The following ZSCAN29 variants were observed in gnomAD, a reference collection of about 807,000 sequenced individuals.
The protein encoded by ZSCAN29 is zinc finger and SCAN domain-containing protein 29.
Under a neutral mutation model 71.9 loss-of-function variants are expected in ZSCAN29, and 55 were observed. The ratio of observed to expected loss-of-function variants is 0.76; its 90% CI spans 0.62 to 0.96. The LOEUF (loss-of-function observed/expected upper bound fraction) is 0.96. Ranked by LOEUF, ZSCAN29 falls within the 40% of genes least tolerant of loss-of-function variation. The pLI, the probability that ZSCAN29 is intolerant of heterozygous loss-of-function variation, is 0.00. For missense variants in ZSCAN29, 1,042 were observed against 1,042.2 expected (o/e 1.00, Z 0.00); for synonymous variants, 351 against 371.6 (o/e 0.94, Z 0.64).
chr15:43,360,893 T>C lies in ZSCAN29; in HGVS notation c.*180A>G. On this transcript the variant is annotated 3_prime_UTR_variant, in exon 6 of 6. Transcript: ENST00000684362. The stretch of plus-strand genomic sequence containing the variant: ...AGGGACTGAAATCTTCCTTTCATTC[T>C]TTAGACTGCCTTGGGGATTTGAGTC... 1 of 809,850 alleles carries C rather than the reference T, an allele frequency of 1.2e-6. No homozygotes were observed. Among genetic ancestry groups the C allele is most frequent in the Non-Finnish European group, 1.9e-6 (1 of 519,192 alleles). The allele number at this position is 809,850 out of a possible 1,614,324, so 50.2% of individuals were successfully genotyped here.
rs781026218 is a variant in ZSCAN29, at chr15:43,366,586, C to T, written c.746G>A (p.Gly249Asp). Residue 249 changes from glycine to aspartate, a missense_variant, in exon 4 of 6, where the codon GGC becomes GAC. Gly to Asp is a moderately conservative substitution (Grantham distance 94). Transcript: ENST00000684362. ...EDEKVAGVHW[G>D]YEETRTLLAI... ...GAGGAGCGTTCTGGTCTCTTCATAG[C>T]CCCAGTGCACACCTGCCACCTTCTC... The T allele has an allele frequency of 3.1e-6, 5 of 1,614,206 alleles. No individual in the cohort carries two copies. The highest frequency in any genetic ancestry group is 1.1e-5 in the South Asian group (1 of 91,084).
Position 43,370,778 on chromosome 15 carries a change from G to C in ZSCAN29, c.-333C>G, listed in dbSNP as rs2044098151. 6.5e-6 allele frequency: 1 copy of C among 153,206 alleles called. No homozygotes were observed. The highest frequency in any genetic ancestry group is 2.4e-5 in the African/African-American group (1 of 41,472). 9.5% of individuals were successfully genotyped at this position (153,206 alleles called of 1,614,324 possible). ...AAGGAGCAGCGGCTGCGGGATTCTG[G>C]CCTCTTTTGTCTCCGCTCCCTCCGG... On this transcript the variant is annotated 5_prime_UTR_variant, in exon 1 of 6. Transcript: ENST00000684362.
In ZSCAN29 at chr15:43,358,185, TG is replaced by T. The variant is rs1348974354; in HGVS notation, c.*2887del. ...AGAAACACCAGGCACTTTATAGACA[TG>T]ATTTTTATTAATATGGTATCCCTGA... On this transcript the variant is annotated 3_prime_UTR_variant, in exon 6 of 6. Transcript: ENST00000684362. The T allele has an allele frequency of 6.6e-6, 1 of 152,534 alleles. No homozygotes were observed. The highest frequency in any genetic ancestry group is 1.9e-4 in the East Asian group (1 of 5,192). The allele number at this position is 152,534 out of a possible 1,614,324, so 9.4% of individuals were successfully genotyped here.
chr15:43,361,208 A>T lies in ZSCAN29; in HGVS notation c.2424T>A (p.His808Gln). 6.2e-7 allele frequency: 1 copy of T among 1,614,006 alleles called. No individual in the cohort carries two copies. Among genetic ancestry groups the T allele is most frequent in the African/African-American group, 1.3e-5 (1 of 74,976 alleles). Residue 808 changes from histidine (H) to glutamine (Q), a missense_variant, in exon 6 of 6, where the codon CAT becomes CAA. Transcript: ENST00000684362. ...GTTTCTCTCCTGTGTGGGTTCTATG[A>T]TGTGCACGTAAGTCAGAACTCTTAC... The part of the protein sequence containing the change: ...SFSKSSDLRA[H>Q]HRTHTGEKPY...
chr15:43,365,713 A>G (rs2044029313), intron 4 of ZSCAN29, among the ~76,000 whole-genome samples: 1 of 152,016 alleles, frequency 6.6e-6, no homozygotes, highest in Admixed American at 6.5e-5. Flanking sequence ...TGGGGAAGTA[A>G]AAGATAAAAT....
At position 43,369,763 on chromosome 15, in the gene ZSCAN29, C is replaced by T; in HGVS notation, c.151G>A (p.Val51Met). 1 of 1,614,278 alleles carries T rather than the reference C, an allele frequency of 6.2e-7. No homozygotes were observed. The highest frequency in any genetic ancestry group is 8.5e-7 in the Non-Finnish European group (1 of 1,180,056). The change falls in exon 2 of 6, where the codon GTG becomes ATG. Residue 51 changes from valine (V) to methionine (M), a missense_variant. Val to Met is a conservative substitution (Grantham distance 21). Transcript: ENST00000684362. ...TCTACAATCTGCTCCTTGGTGCGCACCTCCGGCCTTAGCCACCGACAGCAA... is the reference window on the plus strand; with the variant it reads ...TCTACAATCTGCTCCTTGGTGCGCATCTCCGGCCTTAGCCACCGACAGCAA... ...ELCCRWLRPE[V>M]RTKEQIVELL...
chr15:43,362,019 C>T, intron 5 of ZSCAN29, 78 bp from the exon 6 acceptor site: 1 of 1,431,040 alleles, frequency 7.0e-7, no homozygotes, highest in Non-Finnish European at 9.4e-7. Context: ...TTGGGAAAAA[C>T]AAGCATTACA....
chr15:43,369,071 T>C lies in ZSCAN29; in HGVS notation c.375A>G (p.Lys125=), dbSNP rs1294630348. ...EVRLEKMTPP[K]SSQELLSVRQ... ...GAACACTTAATAACTCTTGTGATGA[T>C]TTCGGGGGTGTCATCTTCTCCAAGC... The change falls in exon 3 of 6, where the codon AAA becomes AAG. Residue 125 remains lysine (K), a synonymous_variant. Transcript: ENST00000684362. 3 of 1,605,108 alleles carry C rather than the reference T, an allele frequency of 1.9e-6. No homozygotes were observed. Among genetic ancestry groups the C allele is most frequent in the Non-Finnish European group, 8.5e-7 (1 of 1,173,794 alleles).
At chr15:43,365,245 A>T (rs538059786) in intron 4 of ZSCAN29, among the ~76,000 whole-genome samples, 1 of 152,336 alleles carries the variant, frequency 6.6e-6, no homozygotes, top group East Asian at 1.9e-4. Flanking sequence ...CGCCCAGTTT[A>T]TTAGTGGTCA....
At position 43,369,015 on chromosome 15, in the gene ZSCAN29, C is replaced by A. The variant is rs1213414630; in HGVS notation, c.431G>T (p.Gly144Val). The A allele has an allele frequency of 5.6e-6, 9 of 1,613,022 alleles. No individual in the cohort carries two copies. In the East Asian group the frequency reaches 1.8e-4, roughly 32 times the overall value. Residue 144 changes from glycine to valine, a missense_variant, in exon 3 of 6, where the codon GGT becomes GTT. Transcript: ENST00000684362. ...RQESVEPQPR[G>V]VPKKERARSP... Reference sequence around the variant, plus strand: ...TCTTGCCCTCTCTTTCTTGGGTACACCCCTGGGCTGGGGTTCCACTGACTC... The same window carrying A: ...TCTTGCCCTCTCTTTCTTGGGTACAACCCTGGGCTGGGGTTCCACTGACTC...
Position 43,361,743 on chromosome 15 carries a change from A to G in ZSCAN29, c.1889T>C (p.Leu630Pro), listed in dbSNP as rs753000031. 6.2e-7 allele frequency: 1 copy of G among 1,614,102 alleles called. No homozygotes were observed. Among genetic ancestry groups the G allele is most frequent in the East Asian group, 2.2e-5 (1 of 44,884 alleles). ...TSGEKRGKLT[L>P]PEKSLSEVLS... ...GACTTCACTTAAGCTCTTCTCCGGG[A>G]GTGTCAGTTTTCCTCTTTTCTCCCC... Residue 630 changes from leucine to proline, a missense_variant, in exon 6 of 6, where the codon CTC (leucine) becomes CCC (proline). Physicochemically the swap from Leu to Pro is moderately conservative, Grantham distance 98 (BLOSUM62 -3). Coordinates refer to ENST00000684362, the MANE Select transcript of ZSCAN29 (RefSeq NM_001372080.1).
At position 43,361,206 on chromosome 15, in the gene ZSCAN29, T is replaced by C. The variant is rs1019713475; in HGVS notation, c.2426A>G (p.His809Arg). ...FSKSSDLRAHHRTHTGEKPYG... is the reference protein window; with the variant it reads ...FSKSSDLRAHRRTHTGEKPYG... ...GGGTTTCTCTCCTGTGTGGGTTCTA[T>C]GATGTGCACGTAAGTCAGAACTCTT... Residue 809 changes from histidine (H) to arginine (R), a missense_variant, in exon 6 of 6, where the codon CAT becomes CGT. Physicochemically the swap from His to Arg is conservative, Grantham distance 29. Transcript: ENST00000684362. 6.2e-7 allele frequency: 1 copy of C among 1,613,554 alleles called. No individual in the cohort carries two copies. The highest frequency in any genetic ancestry group is 2.2e-5 in the East Asian group (1 of 44,868).
At position 43,358,314 on chromosome 15, in the gene ZSCAN29, C is replaced by T. The variant is rs2043951592; in HGVS notation, c.*2759G>A. 6.6e-6 allele frequency: 1 copy of T among 152,420 alleles called. No homozygotes were observed. Among genetic ancestry groups the T allele is most frequent in the Non-Finnish European group, 1.5e-5 (1 of 68,016 alleles). 9.4% of individuals were successfully genotyped at this position (152,420 alleles called of 1,614,324 possible). On this transcript the variant is annotated 3_prime_UTR_variant, in exon 6 of 6. Coordinates refer to ENST00000684362, the MANE Select transcript of ZSCAN29 (RefSeq NM_001372080.1). ...ACCAGAATATCTGTTGATACCACAACCAATGCTTTTCCCACGAGACTATAC... is the reference window on the plus strand; with the variant it reads ...ACCAGAATATCTGTTGATACCACAATCAATGCTTTTCCCACGAGACTATAC...
Position 43,369,056 on chromosome 15 carries a change from T to C in ZSCAN29, c.390A>G (p.Leu130=), listed in dbSNP as rs773158332. 141 of 1,611,532 alleles carry C rather than the reference T, an allele frequency of 8.7e-5. No individual in the cohort carries two copies. In the East Asian group the frequency reaches 3.1e-3, roughly 36 times the overall value. Reference sequence around the variant, plus strand: ...CCACTGACTCCTGCCGAACACTTAATAACTCTTGTGATGATTTCGGGGGTG... The same window carrying C: ...CCACTGACTCCTGCCGAACACTTAACAACTCTTGTGATGATTTCGGGGGTG... ...KMTPPKSSQE[L]LSVRQESVEP... is the part of the protein sequence containing the mutation. The change falls in exon 3 of 6, where the codon TTA becomes TTG. Residue 130 remains leucine (L), a synonymous_variant. Coordinates refer to ENST00000684362, the MANE Select transcript of ZSCAN29 (RefSeq NM_001372080.1).
At position 43,361,855 on chromosome 15, in the gene ZSCAN29, A is replaced by G. The variant is rs1256006409; in HGVS notation, c.1777T>C (p.Ser593Pro). Reference sequence around the variant, plus strand: ...AGATACCGGGGAATTTTCCTTTCAGATCTTGCAAGTAATGTCCTATGCAGT... The same window carrying G: ...AGATACCGGGGAATTTTCCTTTCAGGTCTTGCAAGTAATGTCCTATGCAGT... ...VQLHRTLLAR[S>P]ERKIPRYLHQ... Residue 593 changes from serine (S) to proline (P), a missense_variant, in exon 6 of 6, where the codon TCT becomes CCT. Ser to Pro is a moderately conservative substitution (Grantham distance 74). Transcript: ENST00000684362. 2 of 1,614,178 alleles carry G rather than the reference A, an allele frequency of 1.2e-6. No individual in the cohort carries two copies.
intron 4 of ZSCAN29, among the ~76,000 whole-genome samples, chr15:43,364,949 G>A (rs866161233): frequency 1.4e-5 from 2 of 147,154 alleles, no homozygotes; most frequent in Non-Finnish European, 3.0e-5. Context: ...ATAACATTGA[G>A]CACATGTGCC....
intron 5 of ZSCAN29, 113 bp downstream of exon 5, chr15:43,363,802 A>G: frequency 1.9e-6 from 2 of 1,034,016 alleles, no homozygotes; most frequent in East Asian, 2.6e-5. Context: ...GGTGGTCACA[A>G]GAAGAATCCA....
In ZSCAN29 at chr15:43,361,481, G is replaced by A; in HGVS notation, c.2151C>T (p.Asp717=). 6.2e-7 allele frequency: 1 copy of A among 1,613,432 alleles called. No individual in the cohort carries two copies. The highest frequency in any genetic ancestry group is 8.5e-7 in the Non-Finnish European group (1 of 1,179,456). ...KCLDCGKSFR[D]SSNFITHRRI... is the part of the protein sequence containing the mutation. ...TCCTATGGGTGATGAAATTTGAACT[G>A]TCACGGAAACTTTTTCCACAGTCAA... Residue 717 remains aspartate (D), a synonymous_variant, in exon 6 of 6, where the codon GAC becomes GAT. Coordinates refer to ENST00000684362, the MANE Select transcript of ZSCAN29 (RefSeq NM_001372080.1).
At chr15:43,364,493 T>C in intron 4 of ZSCAN29, 111 bp from the exon 5 acceptor site, 1 of 1,020,520 alleles carries the variant, frequency 9.8e-7, no homozygotes, top group Non-Finnish European at 1.5e-6. Flanking sequence ...GGCTCCTAGA[T>C]GAAAAAGTAA....
Sources: gnomAD v4.1 joint callset for allele counts (sites outside exome capture counted in the v4.1 genomes callset) on GRCh38, gnomAD v4.1.1 for gene constraint, MANE v1.5 for transcripts, NCBI Gene and HGNC (gene_info 2026-07-23, HGNC 2026-07-21) for gene names.